ZNF133: variants seen among roughly 807,000 people sequenced by gnomAD.
ZNF133 encodes the protein zinc finger protein 133 (clone pHZ-13).
A neutral mutation model predicts 54.9 loss-of-function variants in ZNF133; 26 were observed. The observed-to-expected ratio is 0.47, with a 90% confidence interval of 0.35 to 0.66. The LOEUF is 0.66. Among genes scored for constraint, ZNF133 ranks in the 30% least tolerant of loss-of-function variants. ZNF133 has a pLI of 0.01. For missense variants in ZNF133, 653 were observed against 820.8 expected (o/e 0.80, Z 2.50); for synonymous variants, 298 against 320.3 (o/e 0.93, Z 0.74).
At chr20:18,304,193 C>T (rs1438978522) in intron 3 of ZNF133, among the ~76,000 whole-genome samples, 1 of 151,988 alleles carries the variant, frequency 6.6e-6, no homozygotes, top group Non-Finnish European at 1.5e-5. Context: ...AAATGAAGAC[C>T]ACAATGAGAT....
intron 3 of ZNF133, among the ~76,000 whole-genome samples, chr20:18,299,718 G>A (rs2042972922): frequency 6.6e-6 from 1 of 152,084 alleles, no homozygotes; most frequent in Non-Finnish European, 1.5e-5. Context: ...ACGTACAAGG[G>A]ATCCTCAATA....
At chr20:18,291,101 T>G (rs1251945231) in intron 1 of ZNF133, among the ~76,000 whole-genome samples, 3 of 152,172 alleles carry the variant, frequency 2.0e-5, no homozygotes, top group Non-Finnish European at 2.9e-5. Flanking sequence ...TGTATCCTCC[T>G]ATTCCACCTG....
At position 18,315,230 on chromosome 20, in the gene ZNF133, CAGG is replaced by C; in HGVS notation, c.382_384del (p.Glu128del). ...GCCTGGGGATCCGGGCCCAGGGGAC[CAGG>C]AGAAGCAGCAACAAGCCTCTGAGGG... On this transcript the variant is annotated inframe_deletion, in exon 7 of 7. Transcript: ENST00000425686. 1 of 1,613,986 alleles carries C rather than the reference CAGG, an allele frequency of 6.2e-7. No homozygotes were observed. Among genetic ancestry groups the C allele is most frequent in the Non-Finnish European group, 8.5e-7 (1 of 1,179,972 alleles).
At position 18,293,562 on chromosome 20, in the gene ZNF133, T is replaced by C. The variant is rs2053446910; in HGVS notation, c.-431-4423T>C. Among the ~76,000 whole-genome samples, 4 of 152,348 alleles carry C rather than the reference T, an allele frequency of 2.6e-5. No individual in the cohort carries two copies. The South Asian group carries it at 8.3e-4, about 32-fold the overall frequency. On this transcript the variant is annotated intron_variant, in intron 1 of 6. Transcript: ENST00000425686. Reference sequence around the variant, plus strand: ...GGTTAAAGCAGGAACAAGGCCAAAATGGAAGAGCTCCCAATGTTTAAAGCT... The same window carrying C: ...GGTTAAAGCAGGAACAAGGCCAAAACGGAAGAGCTCCCAATGTTTAAAGCT...
At chr20:18,311,562 G>T (rs376104681) in intron 6 of ZNF133, among the ~76,000 whole-genome samples, 15 of 152,214 alleles carry the variant, frequency 9.9e-5, no homozygotes, top group African/African-American at 3.4e-4. Flanking sequence ...TTGATGGACG[G>T]TATTTAAAGT....
Position 18,315,799 on chromosome 20 carries a change from C to T in ZNF133, c.948C>T (p.His316=). 1.9e-6 allele frequency: 3 copies of T among 1,612,474 alleles called. No homozygotes were observed. The highest frequency in any genetic ancestry group is 2.5e-6 in the Non-Finnish European group (3 of 1,178,788). ...GFSQKSNLII[H]QRTHSGEKPY... ...GCCAGAAGTCAAACCTCATCATACA[C>T]CAGAGGACACACTCAGGGGAAAAGC... Residue 316 remains histidine (H), a synonymous_variant, in exon 7 of 7, where the codon CAC becomes CAT. Transcript: ENST00000425686.
chr20:18,310,463 G>A (rs928480001), intron 6 of ZNF133, among the ~76,000 whole-genome samples: 2 of 152,100 alleles, frequency 1.3e-5, no homozygotes, highest in African/African-American at 4.8e-5. Flanking sequence ...AAATGTAACG[G>A]AATCATTTGC....
chr20:18,308,323 T>C (rs2045126528), intron 6 of ZNF133, among the ~76,000 whole-genome samples: 1 of 152,218 alleles, frequency 6.6e-6, no homozygotes, highest in African/African-American at 2.4e-5. Flanking sequence ...TGTCTTCAAA[T>C]TGAGGGACCA....
intron 3 of ZNF133, among the ~76,000 whole-genome samples, chr20:18,303,989 A>G (rs1318137652): frequency 1.3e-5 from 2 of 152,350 alleles, no homozygotes; most frequent in Non-Finnish European, 1.5e-5. Flanking sequence ...GGAAGGGAAT[A>G]TATTTGCAAG....
intron 6 of ZNF133, among the ~76,000 whole-genome samples, chr20:18,309,683 C>G (rs2045428121): frequency 6.6e-6 from 1 of 152,082 alleles, no homozygotes; most frequent in South Asian, 2.1e-4. Context: ...GGATGTGAGG[C>G]TGGTAGGTGA....
intron 1 of ZNF133, among the ~76,000 whole-genome samples, chr20:18,290,625 T>C (rs1017282237): frequency 6.6e-6 from 1 of 152,180 alleles, no homozygotes; most frequent in Admixed American, 6.5e-5. Context: ...AAAAAATCTT[T>C]TTTTTCCACC....
At chr20:18,298,813 AC>A (rs1234591328) in intron 3 of ZNF133, among the ~76,000 whole-genome samples, 2 of 152,108 alleles carry the variant, frequency 1.3e-5, no homozygotes, top group East Asian at 3.9e-4. Context: ...ATATTTGAGG[AC>A]TAGTATATTG....
At chr20:18,292,521 A>G (rs1313948350) in intron 1 of ZNF133, among the ~76,000 whole-genome samples, 1 of 152,032 alleles carries the variant, frequency 6.6e-6, no homozygotes, top group Non-Finnish European at 1.5e-5. Flanking sequence ...GGCTCTTCAC[A>G]TCCTTGAGAT....
At position 18,305,518 on chromosome 20, in the gene ZNF133, C is replaced by G. The variant is rs1409638670; in HGVS notation, c.-6-163C>G. 9.7e-7 allele frequency: 1 copy of G among 1,032,098 alleles called. No homozygotes were observed. The highest frequency in any genetic ancestry group is 1.4e-6 in the Non-Finnish European group (1 of 719,880). 63.9% of individuals were successfully genotyped at this position (1,032,098 alleles called of 1,614,324 possible). ...TGTATGGGTTCACAAATGCCACTGG[C>G]TGGATTGAGACAGGGATTTAAAAGT... On this transcript the variant is annotated intron_variant, in intron 4 of 6. Coordinates refer to ENST00000425686, the MANE Select transcript of ZNF133 (RefSeq NM_001352452.2). The surrounding 1 kb of genome is among the most constrained non-coding windows in gnomAD (Gnocchi z 4.7).
At chr20:18,302,100 C>G (rs1289808235) in intron 3 of ZNF133, among the ~76,000 whole-genome samples, 2 of 151,978 alleles carry the variant, frequency 1.3e-5, no homozygotes, top group South Asian at 2.1e-4. Context: ...GTTCAACATA[C>G]AAAAATAAAT....
chr20:18,306,468 C>T, intron 6 of ZNF133, 75 bp downstream of exon 6: 1 of 1,455,972 alleles, frequency 6.9e-7, no homozygotes, highest in Admixed American at 1.9e-5. Flanking sequence ...AGGCGTTGCT[C>T]AGGTGCTGGG....
At position 18,305,522 on chromosome 20, in the gene ZNF133, A is replaced by G; in HGVS notation, c.-6-159A>G. On this transcript the variant is annotated intron_variant, in intron 4 of 6. Coordinates refer to ENST00000425686, the MANE Select transcript of ZNF133 (RefSeq NM_001352452.2). The surrounding 1 kb of genome is among the most constrained non-coding windows in gnomAD (Gnocchi z 4.7). The stretch of plus-strand genomic sequence containing the variant: ...TGGGTTCACAAATGCCACTGGCTGG[A>G]TTGAGACAGGGATTTAAAAGTCTTG... 2 of 1,064,520 alleles carry G rather than the reference A, an allele frequency of 1.9e-6. No homozygotes were observed. The allele number at this position is 1,064,520 out of a possible 1,614,324, so 65.9% of individuals were successfully genotyped here. A position where few individuals can be genotyped will look rare whatever the true frequency, so the allele number is the denominator to read the frequency against.
At chr20:18,295,320 T>C (rs2042007239) in intron 1 of ZNF133, 1 of 152,348 alleles carries the variant, frequency 6.6e-6, no homozygotes, top group Admixed American at 6.5e-5. Flanking sequence ...TGACTGAGTG[T>C]GCAGCTTCCG....
chr20:18,306,471 G>C, intron 6 of ZNF133, 78 bp downstream of exon 6: 1 of 1,427,920 alleles, frequency 7.0e-7, no homozygotes, highest in African/African-American at 1.4e-5. Flanking sequence ...CGTTGCTCAG[G>C]TGCTGGGGAG....
Sources: allele counts gnomAD v4.1 joint callset (sites outside exome capture counted in the v4.1 genomes callset), GRCh38; gene constraint gnomAD v4.1.1; non-coding constraint Gnocchi (gnomAD v3.1); transcripts MANE v1.5; gene names NCBI Gene and HGNC (gene_info 2026-07-23, HGNC 2026-07-21).